PTP4A1: variants seen among roughly 807,000 people sequenced by gnomAD.
PTP4A1 encodes protein tyrosine phosphatase 4A1, also known as protein tyrosine phosphatase type IVA 1.
In PTP4A1, 9 loss-of-function variants were observed where a neutral mutation model predicts 20.5. The observed-to-expected ratio is 0.44, with a 90% CI of 0.26 to 0.77. The LOEUF (loss-of-function observed/expected upper bound fraction) is 0.77, where lower values mean the gene tolerates loss of function less well. PTP4A1 is among the 30% of genes least tolerant of loss of function. The pLI is 0.19. For synonymous variants in PTP4A1, 78 were observed against 67.4 expected (o/e 1.16, Z -0.77); for missense variants, 137 against 218.8 (o/e 0.63, Z 2.36).
chr6:63,531,512 C>CTTTTT (rs753354152), intron 2 of PTP4A1, among the ~76,000 whole-genome samples: 12 of 128,534 alleles, frequency 9.3e-5, no homozygotes, highest in African/African-American at 2.0e-4. Flanking sequence ...ATCTATTATG[C>CTTTTT]TTTTTTTTTT....
intron 2 of PTP4A1, among the ~76,000 whole-genome samples, chr6:63,539,474 T>A (rs1212826): frequency 0.012 from 1,760 of 152,220 alleles, 27 homozygotes; most frequent in African/African-American, 0.04. Flanking sequence ...ACAGGAAATC[T>A]AAAAGAAAAT....
At chr6:63,541,707 A>G (rs1190743960) in intron 2 of PTP4A1, among the ~76,000 whole-genome samples, 1 of 152,174 alleles carries the variant, frequency 6.6e-6, no homozygotes, top group Non-Finnish European at 1.5e-5. Flanking sequence ...GCAAGCCCCT[A>G]CTGTCTCCAT....
chr6:63,523,699 TA>T (rs2149472681), intron 1 of PTP4A1, among the ~76,000 whole-genome samples: 1 of 152,252 alleles, frequency 6.6e-6, no homozygotes, highest in East Asian at 1.9e-4. Flanking sequence ...CACAAATTCA[TA>T]AACTCTTTTA....
chr6:63,576,879 A>C lies in PTP4A1; in HGVS notation c.-2A>C. 6.2e-7 allele frequency: 1 copy of C among 1,610,088 alleles called. No individual in the cohort carries two copies. The highest frequency in any genetic ancestry group is 8.5e-7 in the Non-Finnish European group (1 of 1,178,812). On this transcript the variant is annotated 5_prime_UTR_variant, in exon 2 of 6. Coordinates refer to ENST00000626021, the MANE Select transcript of PTP4A1 (RefSeq NM_003463.5). Reference sequence around the variant, plus strand: ...TATTGAGTGTTTTTTAACTAAATTAACATGGCTCGAATGAACCGCCCAGCT... The same window carrying C: ...TATTGAGTGTTTTTTAACTAAATTACCATGGCTCGAATGAACCGCCCAGCT...
rs1332447662 is a variant in PTP4A1 at position 63,580,464 on chromosome 6, T to A, written c.*290T>A. Reference sequence around the variant, plus strand: ...CATGCAGTATTGAGTTATGACTTGTTAAATCTATTCCCATGCCAGAATCTT... The same window carrying A: ...CATGCAGTATTGAGTTATGACTTGTAAAATCTATTCCCATGCCAGAATCTT... On this transcript the variant is annotated 3_prime_UTR_variant, in exon 6 of 6. Transcript: ENST00000626021. The A allele has an allele frequency of 1.1e-5, 3 of 267,204 alleles. No individual in the cohort carries two copies. Among genetic ancestry groups the A allele is most frequent in the African/African-American group, 6.5e-5 (3 of 45,812 alleles). 16.6% of individuals were successfully genotyped at this position (267,204 alleles called of 1,614,324 possible). A position where few individuals can be genotyped will look rare whatever the true frequency, so the allele number is the denominator to read the frequency against.
At chr6:63,551,170 A>C (rs1776423113) in intron 3 of PTP4A1, among the ~76,000 whole-genome samples, 1 of 152,020 alleles carries the variant, frequency 6.6e-6, no homozygotes, top group South Asian at 2.1e-4. Flanking sequence ...GGTTCAAGTG[A>C]TTCTCCTGCC....
Position 63,579,619 on chromosome 6 carries a change from G to A in PTP4A1, c.404+288G>A, listed in dbSNP as rs116702049. Among the ~76,000 whole-genome samples the A allele has an allele frequency of 5.3e-3, 802 of 152,180 alleles. 5 individuals are homozygous for A. Among genetic ancestry groups the A allele is most frequent in the African/African-American group, 0.019 (768 of 41,512 alleles). On this transcript the variant is annotated intron_variant, in intron 5 of 5. Transcript: ENST00000626021. ...GAGGTATAATTAAGATACATTTAAA[G>A]ATACAATAAAATGCACAGGTCTCCA...
chr6:63,558,425 TCAGA>T (rs2149494035), intron 3 of PTP4A1, among the ~76,000 whole-genome samples: 1 of 152,256 alleles, frequency 6.6e-6, no homozygotes, highest in South Asian at 2.1e-4. Flanking sequence ...TGGTAGCCAG[TCAGA>T]CAGAAAAGAA....
chr6:63,563,897 G>T (rs1777072544), intron 3 of PTP4A1, among the ~76,000 whole-genome samples: 1 of 152,156 alleles, frequency 6.6e-6, no homozygotes, highest in Non-Finnish European at 1.5e-5. Flanking sequence ...ATTTTATGTG[G>T]GAAAGTAATA....
intron 1 of PTP4A1, chr6:63,527,759 T>G (rs1018733969): frequency 6.6e-6 from 1 of 152,178 alleles, no homozygotes; most frequent in Admixed American, 6.5e-5. Flanking sequence ...AAGTTAGAGC[T>G]TAGACAGTGA....
rs143356151 is a variant in PTP4A1, at chr6:63,531,607, ATCC to A, written c.-640+3528_-640+3530del. 8.2e-3 allele frequency among the ~76,000 whole-genome samples: 1,166 copies of A among 141,956 alleles called. 11 individuals carry two copies. Among genetic ancestry groups the A allele is most frequent in the African/African-American group, 0.029 (1,088 of 37,822 alleles). 93.1% of individuals were successfully genotyped at this position (141,956 alleles called of 152,430 possible). ...TGGACTCAGGCAATCTTCCTCTCTC[ATCC>A]TCCTGAGTAGCTGGGACTATAGGCA... On this transcript the variant is annotated intron_variant, in intron 2 of 3. Coordinates refer to the PTP4A1 transcript ENST00000639568.
intron 2 of PTP4A1, among the ~76,000 whole-genome samples, chr6:63,529,949 T>C (rs1375064070): frequency 6.6e-6 from 1 of 152,194 alleles, no homozygotes; most frequent in Non-Finnish European, 1.5e-5. Context: ...TTACAAATAG[T>C]TATGTAATTT....
intron 1 of PTP4A1, among the ~76,000 whole-genome samples, chr6:63,526,116 G>A (rs1446743797): frequency 6.6e-6 from 1 of 151,718 alleles, no homozygotes; most frequent in Non-Finnish European, 1.5e-5. Context: ...CCTGAAGTCA[G>A]GAGTTCAAGA....
rs1167076862 is a variant in PTP4A1, at chr6:63,583,111, A to G, written c.*2937A>G. On this transcript the variant is annotated 3_prime_UTR_variant, in exon 6 of 6. Transcript: ENST00000626021. ...ACCAATGAGTACCCGACCCGTTGCC[A>G]TGATTAAGAGAGAATGCTTTCTATT... The G allele has an allele frequency of 6.6e-6, 1 of 152,224 alleles. No individual in the cohort carries two copies. Among genetic ancestry groups the G allele is most frequent in the Non-Finnish European group, 1.5e-5 (1 of 68,038 alleles). The allele number at this position is 152,224 out of a possible 1,614,324, so 9.4% of individuals were successfully genotyped here.
intron 2 of PTP4A1, among the ~76,000 whole-genome samples, chr6:63,545,228 T>C (rs1776131991): frequency 1.3e-5 from 2 of 152,230 alleles, no homozygotes; most frequent in Non-Finnish European, 2.9e-5. Flanking sequence ...TGGAAGTCTC[T>C]TCAAGCAGAT....
chr6:63,541,960 CT>C (rs1216769924), intron 2 of PTP4A1, among the ~76,000 whole-genome samples: 2 of 151,132 alleles, frequency 1.3e-5, no homozygotes, highest in African/African-American at 4.9e-5. Context: ...ATACACATAA[CT>C]TTTTTACATA....
chr6:63,573,571 C>A (rs1204147782), intron 1 of PTP4A1: 1 of 152,218 alleles, frequency 6.6e-6, no homozygotes, highest in South Asian at 2.1e-4. Flanking sequence ...TGGGGCATTC[C>A]GCGAGCTGCA....
chr6:63,555,692 CT>C (rs35538550), intron 3 of PTP4A1, among the ~76,000 whole-genome samples: 838 of 134,996 alleles, frequency 6.2e-3, no homozygotes, highest in African/African-American at 0.017. Flanking sequence ...CAATTACACT[CT>C]TTTTTTTTTT....
chr6:63,519,943 A>G (rs928638965), upstream of PTP4A1, among the ~76,000 whole-genome samples: 1 of 152,334 alleles, frequency 6.6e-6, no homozygotes, highest in African/African-American at 2.4e-5. Context: ...CAACACATTA[A>G]AATTCAGTAG....
Sources: gnomAD v4.1 joint callset for allele counts (sites outside exome capture counted in the v4.1 genomes callset) on GRCh38, gnomAD v4.1.1 for gene constraint, MANE v1.5 for transcripts, NCBI Gene and HGNC (gene_info 2026-07-23, HGNC 2026-07-21) for gene names.